The following PCP4 variants were observed in gnomAD, a reference collection of about 807,000 sequenced individuals.
PCP4 encodes the protein calmodulin regulator protein PCP4.
Under a neutral mutation model 10.0 loss-of-function variants are expected in PCP4, and 8 were observed. The ratio of observed to expected loss-of-function variants is 0.80; its 90% confidence interval spans 0.47 to 1.45. The LOEUF is 1.45. PCP4 is among the 40% of genes most tolerant of loss of function. The pLI is 0.00. For synonymous variants in PCP4, 21 were observed against 23.0 expected (o/e 0.91, Z 0.24); for missense variants, 54 against 74.4 (o/e 0.73, Z 1.01).
intron 2 of PCP4, among the ~76,000 whole-genome samples, chr21:39,913,218 C>G (rs2146345655): frequency 6.7e-6 from 1 of 149,572 alleles, no homozygotes; most frequent in South Asian, 2.2e-4. Flanking sequence ...CAGCAAGTGC[C>G]TGGCCATGAG....
chr21:39,877,968 G>A (rs1601171503), intron 1 of PCP4, among the ~76,000 whole-genome samples: 1 of 151,980 alleles, frequency 6.6e-6, no homozygotes, highest in Admixed American at 6.6e-5. Flanking sequence ...CACAAATTTT[G>A]TAGTCACATT....
chr21:39,895,490 A>G (rs2087452717), intron 1 of PCP4, among the ~76,000 whole-genome samples: 1 of 152,214 alleles, frequency 6.6e-6, no homozygotes, highest in Admixed American at 6.5e-5. Flanking sequence ...CTCAGGAGGT[A>G]TGCTGCACAC....
chr21:39,913,820 G>A (rs1475844612), intron 2 of PCP4, among the ~76,000 whole-genome samples: 4 of 152,166 alleles, frequency 2.6e-5, no homozygotes, highest in East Asian at 3.8e-4. Flanking sequence ...CCCGTCTACC[G>A]AATAGTCTTG....
At chr21:39,912,325 T>A (rs1217464442) in intron 2 of PCP4, among the ~76,000 whole-genome samples, 2 of 133,258 alleles carry the variant, frequency 1.5e-5, no homozygotes, top group Non-Finnish European at 3.1e-5. Flanking sequence ...TTTTTTTTTT[T>A]TTAAAGTATT....
intron 1 of PCP4, among the ~76,000 whole-genome samples, chr21:39,884,922 C>G (rs1050968289): frequency 6.6e-6 from 1 of 152,162 alleles, no homozygotes; most frequent in Non-Finnish European, 1.5e-5. Context: ...CACCAGCACA[C>G]CTTAAATAAA....
chr21:39,915,527 CT>C (rs1298649052), intron 2 of PCP4, among the ~76,000 whole-genome samples: 1 of 152,198 alleles, frequency 6.6e-6, no homozygotes, highest in Non-Finnish European at 1.5e-5. Flanking sequence ...GGTTATTTCT[CT>C]GTCATATAGA....
chr21:39,873,952 G>A (rs2087332391), intron 1 of PCP4, among the ~76,000 whole-genome samples: 1 of 152,098 alleles, frequency 6.6e-6, no homozygotes, highest in African/African-American at 2.4e-5. Context: ...TCCATTTCTG[G>A]AAGGGAAACA....
chr21:39,925,433 A>G (rs1223568419), intron 2 of PCP4, among the ~76,000 whole-genome samples: 2 of 152,202 alleles, frequency 1.3e-5, no homozygotes, highest in Non-Finnish European at 2.9e-5. Flanking sequence ...TTAATTGAAC[A>G]CCTACTGTGT....
chr21:39,898,628 A>G (rs773758860), intron 2 of PCP4, 101 bp downstream of exon 2: 6 of 870,026 alleles, frequency 6.9e-6, no homozygotes, highest in South Asian at 4.4e-5. Flanking sequence ...ACAGCTTACT[A>G]TATGTGTCTG....
At chr21:39,875,621 A>G (rs2087341397) in intron 1 of PCP4, among the ~76,000 whole-genome samples, 2 of 152,194 alleles carry the variant, frequency 1.3e-5, no homozygotes, top group South Asian at 4.1e-4. Flanking sequence ...TTGCTCTAAC[A>G]ACAACTGTCT....
At chr21:39,899,900 G>A (rs538636288) in intron 2 of PCP4, among the ~76,000 whole-genome samples, 7 of 152,286 alleles carry the variant, frequency 4.6e-5, no homozygotes, top group Non-Finnish European at 7.4e-5. Flanking sequence ...ATAGGGCGCT[G>A]TGAGCCTCCA....
intron 2 of PCP4, among the ~76,000 whole-genome samples, chr21:39,913,612 C>A (rs922454640): frequency 6.6e-6 from 1 of 152,094 alleles, no homozygotes; most frequent in African/African-American, 2.4e-5. Context: ...GAGCATGAAA[C>A]GAAACACAGG....
intron 2 of PCP4, among the ~76,000 whole-genome samples, chr21:39,901,312 A>G (rs2087481461): frequency 6.6e-6 from 1 of 152,250 alleles, no homozygotes; most frequent in African/African-American, 2.4e-5. Context: ...CCCCCAGGGT[A>G]CCTGGTTCAC....
At position 39,890,475 on chromosome 21, in the gene PCP4, C is replaced by T. The variant is rs1408266220; in HGVS notation, c.10-8001C>T. 2.6e-5 allele frequency among the ~76,000 whole-genome samples: 4 copies of T among 152,114 alleles called. No homozygotes were observed. In the South Asian group the frequency reaches 8.3e-4, roughly 32 times the overall value. On this transcript the variant is annotated intron_variant, in intron 1 of 2. Coordinates refer to ENST00000328619, the MANE Select transcript of PCP4 (RefSeq NM_006198.3). ...GGTTCAAGCGATTCTCCTGCCCCAG[C>T]CTCCAGAGTGGCTGGGATTACAGGC...
intron 2 of PCP4, among the ~76,000 whole-genome samples, chr21:39,927,957 A>T (rs1358793782): frequency 6.6e-6 from 1 of 152,298 alleles, no homozygotes; most frequent in South Asian, 2.1e-4. Flanking sequence ...GCCTGTATTT[A>T]AAAAAAGAAA....
chr21:39,917,875 A>T (rs1332403483), intron 2 of PCP4, among the ~76,000 whole-genome samples: 1 of 152,160 alleles, frequency 6.6e-6, no homozygotes, highest in Non-Finnish European at 1.5e-5. Flanking sequence ...GAGGTAATTC[A>T]ATTGAAATGA....
At chr21:39,918,080 C>T (rs1179293099) in intron 2 of PCP4, among the ~76,000 whole-genome samples, 1 of 152,190 alleles carries the variant, frequency 6.6e-6, no homozygotes, top group Non-Finnish European at 1.5e-5. Flanking sequence ...GATGTGAGAA[C>T]ATAAATTTCT....
intron 1 of PCP4, among the ~76,000 whole-genome samples, chr21:39,888,249 T>G (rs2087410334): frequency 6.6e-6 from 1 of 152,238 alleles, no homozygotes; most frequent in African/African-American, 2.4e-5. Flanking sequence ...TTTTCCTTCC[T>G]TTGCAGAATC....
intron 1 of PCP4, among the ~76,000 whole-genome samples, chr21:39,882,936 A>G (rs938494330): frequency 1.3e-5 from 2 of 152,204 alleles, no homozygotes; most frequent in African/African-American, 2.4e-5. Context: ...GTAGACTGTG[A>G]GAATATAACC....
Sources: allele counts gnomAD v4.1 joint callset (sites outside exome capture counted in the v4.1 genomes callset), GRCh38; gene constraint gnomAD v4.1.1; transcripts MANE v1.5; gene names NCBI Gene and HGNC (gene_info 2026-07-23, HGNC 2026-07-21).